FAM13A: variants seen among roughly 807,000 people sequenced by gnomAD.
FAM13A encodes family with sequence similarity 13 member A, also known as protein FAM13A.
In FAM13A, 76 loss-of-function variants were observed where a neutral mutation model predicts 129.6. That is an observed-to-expected ratio of 0.59 (90% confidence interval 0.49 to 0.71). The LOEUF is 0.71. Among genes scored for constraint, FAM13A ranks in the 30% least tolerant of loss-of-function variants. FAM13A has a pLI of 0.00. For missense variants in FAM13A, 1,108 were observed against 1,249.3 expected, an observed-to-expected ratio of 0.89 and a Z score of 1.70; for synonymous variants, 443 against 449.9, an observed-to-expected ratio of 0.98 and a Z score of 0.20.
chr4:88,890,899 A>G (rs1342282465), intron 6 of FAM13A, among the ~76,000 whole-genome samples: 2 of 152,206 alleles, frequency 1.3e-5, no homozygotes, highest in African/African-American at 4.8e-5. Context: ...AAAATAGACA[A>G]TTTCCTAGAA....
At chr4:88,857,061 A>C (rs952172155) in intron 6 of FAM13A, among the ~76,000 whole-genome samples, 1 of 152,230 alleles carries the variant, frequency 6.6e-6, no homozygotes, top group Non-Finnish European at 1.5e-5. Context: ...TGTGCCAGCC[A>C]CAGTGCTAGC....
chr4:88,945,625 G>A (rs1051355090), intron 4 of FAM13A, among the ~76,000 whole-genome samples: 18 of 151,538 alleles, frequency 1.2e-4, no homozygotes, highest in African/African-American at 3.6e-4. Context: ...TGCACCTAGC[G>A]GGAAGCTTTA....
chr4:88,820,548 G>C (rs1185840941), intron 7 of FAM13A, among the ~76,000 whole-genome samples: 1 of 152,106 alleles, frequency 6.6e-6, no homozygotes, highest in Non-Finnish European at 1.5e-5. Context: ...CCTCACATAA[G>C]GTCAGATATT....
intron 1 of FAM13A, among the ~76,000 whole-genome samples, chr4:89,047,893 T>C (rs1329807783): frequency 6.6e-6 from 1 of 152,178 alleles, no homozygotes; most frequent in Non-Finnish European, 1.5e-5. Context: ...CTAATATGCA[T>C]ATGAAAATAT....
chr4:88,760,558 C>T (rs1451663518), intron 13 of FAM13A, among the ~76,000 whole-genome samples: 1 of 23,388 alleles, frequency 4.3e-5, no homozygotes, highest in African/African-American at 7.9e-5. Flanking sequence ...GAGCCGAGGT[C>T]GCGCCACTGC....
chr4:88,766,320 A>T (rs1339313122), intron 13 of FAM13A, among the ~76,000 whole-genome samples: 1 of 152,186 alleles, frequency 6.6e-6, no homozygotes, highest in Non-Finnish European at 1.5e-5. Flanking sequence ...GGATGCCTAG[A>T]GACAAGGAAA....
At chr4:88,877,504 AAAC>A (rs1393171286) in intron 6 of FAM13A, among the ~76,000 whole-genome samples, 1 of 152,246 alleles carries the variant, frequency 6.6e-6, no homozygotes, top group Admixed American at 6.5e-5. Flanking sequence ...AAAAAACAGA[AAAC>A]AAAATGCTTG....
At chr4:88,991,177 C>T in intron 3 of FAM13A, 27 bp from the exon 4 acceptor site, 2 of 1,573,996 alleles carry the variant, frequency 1.3e-6, no homozygotes, top group Non-Finnish European at 1.7e-6. Context: ...TAAAAATGTT[C>T]TAAGGTATAT....
intron 5 of FAM13A, among the ~76,000 whole-genome samples, chr4:88,913,117 GGAA>G (rs1480956887): frequency 6.4e-5 from 9 of 141,720 alleles, no homozygotes; most frequent in Admixed American, 3.6e-4. Context: ...AAGAGGAAGA[GGAA>G]GAAGAACAGG....
intron 18 of FAM13A, 89 bp from the exon 19 acceptor site, chr4:88,747,104 A>G: frequency 1.1e-6 from 1 of 893,812 alleles, no homozygotes; most frequent in South Asian, 1.4e-5. Context: ...AAGCAAGGCT[A>G]AAAAGAACCC....
chr4:88,802,828 T>G (rs542949803), intron 8 of FAM13A, among the ~76,000 whole-genome samples: 1 of 152,192 alleles, frequency 6.6e-6, no homozygotes, highest in East Asian at 1.9e-4. Flanking sequence ...TCTTCTCCAC[T>G]CCAGTAGCAG....
intron 3 of FAM13A, among the ~76,000 whole-genome samples, chr4:89,017,500 A>G (rs1766651686): frequency 6.6e-6 from 1 of 152,178 alleles, no homozygotes; most frequent in Non-Finnish European, 1.5e-5. Context: ...AACAGTACAT[A>G]CTCATATCAA....
chr4:88,734,206 T>C (rs1157254536), intron 21 of FAM13A, among the ~76,000 whole-genome samples: 10 of 152,124 alleles, frequency 6.6e-5, no homozygotes, highest in Admixed American at 6.5e-4. Flanking sequence ...GTATTTGGAT[T>C]TCAATAAACA....
At chr4:88,988,339 A>C (rs928917889) in intron 4 of FAM13A, among the ~76,000 whole-genome samples, 1 of 152,202 alleles carries the variant, frequency 6.6e-6, no homozygotes, top group Non-Finnish European at 1.5e-5. Flanking sequence ...GAGAAAAATA[A>C]ATTGTGACAA....
At chr4:88,802,132 C>A (rs1481322690) in intron 8 of FAM13A, among the ~76,000 whole-genome samples, 1 of 152,148 alleles carries the variant, frequency 6.6e-6, no homozygotes, top group East Asian at 1.9e-4. Context: ...TAAGAGAGAA[C>A]AGGGTATGAA....
intron 5 of FAM13A, among the ~76,000 whole-genome samples, chr4:88,924,441 C>G (rs1199669641): frequency 6.6e-6 from 1 of 152,112 alleles, no homozygotes; most frequent in Non-Finnish European, 1.5e-5. Context: ...CTGACAAAAA[C>G]AAGAAATGGG....
chr4:88,728,749 C>G, intron 23 of FAM13A, 90 bp from the exon 24 acceptor site: 4 of 1,495,256 alleles, frequency 2.7e-6, no homozygotes, highest in South Asian at 2.4e-5. Flanking sequence ...TGTTTAGAAA[C>G]TTTGCAGTTT....
chr4:88,890,868 T>G (rs1463347675), intron 6 of FAM13A, among the ~76,000 whole-genome samples: 3 of 152,190 alleles, frequency 2.0e-5, no homozygotes, highest in Non-Finnish European at 4.4e-5. Context: ...CATTAAAATA[T>G]GCTGATAAAT....
Position 88,726,012 on chromosome 4 carries a change from T to G in FAM13A, c.*2521A>C, listed in dbSNP as rs1736384296. ...AGTTTACTTACACTTATGAAATAAC[T>G]CTTGACATTTATTTTGTTGGCATGT... is the stretch of plus-strand genomic sequence containing the variant. On this transcript the variant is annotated 3_prime_UTR_variant, in exon 24 of 24. Coordinates refer to ENST00000264344, the MANE Select transcript of FAM13A (RefSeq NM_014883.4). The G allele has an allele frequency of 1.3e-5, 2 of 152,214 alleles. No individual in the cohort carries two copies. Among genetic ancestry groups the G allele is most frequent in the Admixed American group, 6.5e-5 (1 of 15,280 alleles). The allele number at this position is 152,214 out of a possible 1,614,324, so 9.4% of individuals were successfully genotyped here. A position where few individuals can be genotyped will look rare whatever the true frequency, so the allele number is the denominator to read the frequency against.
Sources: gnomAD v4.1 joint callset for allele counts (sites outside exome capture counted in the v4.1 genomes callset) on GRCh38, gnomAD v4.1.1 for gene constraint, MANE v1.5 for transcripts, NCBI Gene and HGNC (gene_info 2026-07-23, HGNC 2026-07-21) for gene names.